Variants in AATF observed in about 807,000 individuals in gnomAD.
AATF encodes protein AATF.
Under a neutral mutation model 63.7 loss-of-function variants are expected in AATF, and 48 were observed. That is an observed-to-expected ratio of 0.75 (90% CI 0.60 to 0.96). AATF has a LOEUF of 0.96. Among genes scored for constraint, AATF ranks in the 40% least tolerant of loss-of-function variants. AATF has a pLI of 0.00. For synonymous variants in AATF, 258 were observed against 247.7 expected, an observed-to-expected ratio of 1.04 and a Z score of -0.39; for missense variants, 639 against 685.7, an observed-to-expected ratio of 0.93 and a Z score of 0.76.
At chr17:36,987,852 A>T (rs2071181165) in intron 5 of AATF, among the ~76,000 whole-genome samples, 1 of 152,236 alleles carries the variant, frequency 6.6e-6, no homozygotes, top group Non-Finnish European at 1.5e-5. Flanking sequence ...TTGAGGATTA[A>T]GGTCGTAGAA....
rs746738267 is a variant in AATF, at chr17:37,020,984, A to T, written c.1517A>T (p.Asp506Val). Residue 506 changes from aspartate to valine, a missense_variant, in exon 10 of 12, where the codon GAT (aspartate) becomes GTT (valine). Physicochemically the swap from Asp to Val is radical, Grantham distance 152. Coordinates refer to ENST00000619387, the MANE Select transcript of AATF (RefSeq NM_012138.4). ...CGAAGCAAAATCCACAAAAAAGTAG[A>T]TAGGAAAGCCAGCAAAGGCAGGAAA... ...KLRSKIHKKV[D>V]RKASKGRKLR... 1.2e-6 allele frequency: 2 copies of T among 1,611,692 alleles called. No homozygotes were observed. Among genetic ancestry groups the T allele is most frequent in the Non-Finnish European group, 1.7e-6 (2 of 1,178,920 alleles).
At chr17:37,029,993 G>A (rs775771561) in intron 10 of AATF, among the ~76,000 whole-genome samples, 6 of 152,064 alleles carry the variant, frequency 3.9e-5, no homozygotes, top group African/African-American at 9.7e-5. Flanking sequence ...GAGCCACTGC[G>A]CCAGGCCAAC....
At chr17:36,973,127 C>CT (rs56746449) in intron 4 of AATF, among the ~76,000 whole-genome samples, 40,577 of 151,850 alleles carry the variant, frequency 0.27, 7,666 homozygotes, top group African/African-American at 0.54. Flanking sequence ...TTCTTTCTTT[C>CT]TTTTTTCCTT....
chr17:36,953,146 G>A lies in AATF; in HGVS notation c.544G>A (p.Glu182Lys), dbSNP rs557139056. The A allele has an allele frequency of 5.0e-5, 81 of 1,614,174 alleles. 1 individual carries two copies. In the South Asian group the frequency reaches 8.5e-4, roughly 17 times the overall value. ...GGAAGACGAAGAGAGTGGCATGGAAGAAGGGGATGACGCGGAAGACTCCCA... is the reference window on the plus strand; with the variant it reads ...GGAAGACGAAGAGAGTGGCATGGAAAAAGGGGATGACGCGGAAGACTCCCA... ...EEEDEESGME[E>K]GDDAEDSQGE... The change falls in exon 3 of 12, where the codon GAA becomes AAA. Residue 182 changes from glutamate (E) to lysine (K), a missense_variant. Glu to Lys is a moderately conservative substitution (Grantham distance 56). Transcript: ENST00000619387.
At chr17:36,949,300 CG>C in intron 1 of AATF, 84 bp downstream of exon 1, 1 of 1,327,478 alleles carries the variant, frequency 7.5e-7, no homozygotes, top group Non-Finnish European at 1.0e-6. Flanking sequence ...GGGGCGTGCG[CG>C]AGGCCGCCGG....
intron 4 of AATF, among the ~76,000 whole-genome samples, chr17:36,965,162 G>C (rs2070981544): frequency 6.6e-6 from 1 of 152,196 alleles, no homozygotes; most frequent in South Asian, 2.1e-4. Flanking sequence ...ATTACCGCAA[G>C]CTTGGTGACT....
In AATF at chr17:37,019,033, C is replaced by G. The variant is rs141756894; in HGVS notation, c.1427C>G (p.Thr476Ser). Residue 476 changes from threonine to serine, a missense_variant, in exon 9 of 12, where the codon ACC becomes AGC. Coordinates refer to ENST00000619387, the MANE Select transcript of AATF (RefSeq NM_012138.4). The stretch of plus-strand genomic sequence containing the variant: ...CTTCGAGAACTCATAGAACGGAAGA[C>G]CAGCTCCTTGGATCCCAACGATCAG... Reference protein sequence around the residue: ...QLLRELIERKTSSLDPNDQVA... With the variant: ...QLLRELIERKSSSLDPNDQVA... 3 of 1,614,000 alleles carry G rather than the reference C, an allele frequency of 1.9e-6. No homozygotes were observed. Among genetic ancestry groups the G allele is most frequent in the Non-Finnish European group, 2.5e-6 (3 of 1,179,978 alleles).
chr17:36,950,127 A>G, intron 1 of AATF, 87 bp from the exon 2 acceptor site: 4 of 1,436,600 alleles, frequency 2.8e-6, no homozygotes, highest in African/African-American at 2.8e-5. Context: ...AGGACGTTCA[A>G]CTATGAGATA....
intron 4 of AATF, among the ~76,000 whole-genome samples, chr17:36,971,036 A>G (rs534836690): frequency 1.2e-4 from 19 of 152,344 alleles, no homozygotes; most frequent in South Asian, 8.3e-4. Context: ...TTTAAATACA[A>G]TATCAAAAAC....
At chr17:36,955,760 G>A (rs1284530538) in intron 4 of AATF, among the ~76,000 whole-genome samples, 1 of 152,060 alleles carries the variant, frequency 6.6e-6, no homozygotes, top group East Asian at 1.9e-4. Flanking sequence ...TCTTGGATAC[G>A]ATTTAATTTC....
chr17:36,952,541 C>T (rs190240161), intron 2 of AATF, among the ~76,000 whole-genome samples: 1 of 152,214 alleles, frequency 6.6e-6, no homozygotes, highest in African/African-American at 2.4e-5. Flanking sequence ...CTAGCTCTTC[C>T]TTAGAGATTA....
At position 37,023,614 on chromosome 17, in the gene AATF, C is replaced by T. The variant is rs1386006832; in HGVS notation, c.1547+2600C>T. On this transcript the variant is annotated intron_variant, in intron 10 of 11. Transcript: ENST00000619387. The stretch of plus-strand genomic sequence containing the variant: ...TAAACAGAGTTTAAAAAGAGGCATT[C>T]TTTTTAAACAGAGTTTAAAAAGAGG... Among the ~76,000 whole-genome samples the T allele has an allele frequency of 2.9e-5, 4 of 138,996 alleles. No homozygotes were observed. In the East Asian group the frequency reaches 8.9e-4, roughly 31 times the overall value. 91.2% of individuals were successfully genotyped at this position (138,996 alleles called of 152,430 possible). A position where few individuals can be genotyped will look rare whatever the true frequency, so the allele number is the denominator to read the frequency against.
chr17:37,050,339 A>T (rs2071737413), intron 11 of AATF, among the ~76,000 whole-genome samples: 1 of 152,210 alleles, frequency 6.6e-6, no homozygotes. Flanking sequence ...ACCTCCACAA[A>T]ATCTAACAAA....
At chr17:37,009,456 GT>G (rs909435520) in intron 8 of AATF, among the ~76,000 whole-genome samples, 3 of 151,304 alleles carry the variant, frequency 2.0e-5, no homozygotes, top group Admixed American at 2.0e-4. Context: ...CAGTTAAATG[GT>G]TTTTTTTATT....
intron 8 of AATF, among the ~76,000 whole-genome samples, chr17:37,001,028 G>T (rs2071290322): frequency 6.6e-6 from 1 of 152,068 alleles, no homozygotes; most frequent in Non-Finnish European, 1.5e-5. Context: ...TCACAAAGAA[G>T]AAATTACAGG....
chr17:37,053,859 C>T (rs1451621149), intron 11 of AATF, among the ~76,000 whole-genome samples: 2 of 151,372 alleles, frequency 1.3e-5, no homozygotes, highest in Admixed American at 6.6e-5. Context: ...AGCGAGACTC[C>T]ATCTCAAAAA....
chr17:36,957,557 G>A (rs540013459), intron 4 of AATF, among the ~76,000 whole-genome samples: 7 of 152,156 alleles, frequency 4.6e-5, no homozygotes, highest in Non-Finnish European at 1.0e-4. Context: ...CTCTTACGAC[G>A]CTATGGAAAG....
chr17:37,014,375 A>G (rs887585282), intron 8 of AATF, among the ~76,000 whole-genome samples: 1 of 152,032 alleles, frequency 6.6e-6, no homozygotes, highest in African/African-American at 2.4e-5. Flanking sequence ...GTCCTCTGCT[A>G]TCTGCTCTTG....
At chr17:36,974,082 G>A (rs1480741899) in intron 4 of AATF, among the ~76,000 whole-genome samples, 1 of 145,758 alleles carries the variant, frequency 6.9e-6, no homozygotes, top group Non-Finnish European at 1.5e-5. Flanking sequence ...AAAAAAAAAA[G>A]GAAAAGACAG....
Sources: gnomAD v4.1 joint callset for allele counts (sites outside exome capture counted in the v4.1 genomes callset) on GRCh38, gnomAD v4.1.1 for gene constraint, MANE v1.5 for transcripts, NCBI Gene and HGNC (gene_info 2026-07-23, HGNC 2026-07-21) for gene names.